Variants in VPS26C observed in about 807,000 individuals in gnomAD.
VPS26C encodes VPS26 endosomal protein sorting factor C, also known as vacuolar protein sorting-associated protein 26C.
Under a neutral mutation model 30.6 loss-of-function variants are expected in VPS26C, and 19 were observed. The ratio of observed to expected loss-of-function variants is 0.62; its 90% CI spans 0.43 to 0.91. VPS26C has a LOEUF of 0.91. Among genes scored for constraint, VPS26C ranks in the 40% least tolerant of loss-of-function variants. The pLI is 0.00. For synonymous variants in VPS26C, 132 were observed against 151.5 expected (o/e 0.87, Z 0.95); for missense variants, 318 against 385.1 (o/e 0.83, Z 1.46).
chr21:37,235,851 G>GTATATA (rs146084592), intron 3 of VPS26C, among the ~76,000 whole-genome samples: 27 of 55,094 alleles, frequency 4.9e-4, no homozygotes, highest in South Asian at 1.6e-3. Context: ...ATATGTGTGT[G>GTATATA]TATATATATA....
chr21:37,265,481 C>T (rs2086349072), intron 1 of VPS26C, among the ~76,000 whole-genome samples: 2 of 152,012 alleles, frequency 1.3e-5, no homozygotes, highest in African/African-American at 4.8e-5. Flanking sequence ...TTCTACATAA[C>T]CAAAATATAA....
At chr21:37,228,180 G>T in intron 6 of VPS26C, 43 bp downstream of exon 6, 1 of 1,595,350 alleles carries the variant, frequency 6.3e-7, no homozygotes, top group South Asian at 1.1e-5. Flanking sequence ...GGTGGCAGTC[G>T]AGGGGGACAG....
intron 5 of VPS26C, chr21:37,230,509 C>G (rs1297113557): frequency 6.6e-6 from 1 of 152,242 alleles, no homozygotes; most frequent in Non-Finnish European, 1.5e-5. Flanking sequence ...CAAAAAACCA[C>G]CAGTGGCATT....
chr21:37,233,247 G>A lies in VPS26C; in HGVS notation c.432+115C>T. 1.2e-6 allele frequency: 1 copy of A among 865,312 alleles called. No homozygotes were observed. The highest frequency in any genetic ancestry group is 2.5e-5 in the East Asian group (1 of 39,310). The allele number at this position is 865,312 out of a possible 1,614,324, so 53.6% of individuals were successfully genotyped here. A position where few individuals can be genotyped will look rare whatever the true frequency, so the allele number is the denominator to read the frequency against. ...CTGACCCAGAAGTCTTGTGTCTTCT[G>A]CCAGCACCCGTGAAACAGTAAGAGG... On this transcript the variant is annotated intron_variant, in intron 4 of 7. Transcript: ENST00000309117. This position sits in a 1 kb window ranked among gnomAD's most constrained non-coding sequence, Gnocchi z 5.2.
intron 1 of VPS26C, among the ~76,000 whole-genome samples, chr21:37,260,140 TC>T (rs1378456765): frequency 2.0e-5 from 3 of 152,184 alleles, no homozygotes; most frequent in African/African-American, 7.2e-5. Flanking sequence ...CCCTGGCATG[TC>T]CCTGAATTCT....
chr21:37,234,083 G>C (rs1412951357), intron 3 of VPS26C, among the ~76,000 whole-genome samples: 1 of 152,226 alleles, frequency 6.6e-6, no homozygotes, highest in Non-Finnish European at 1.5e-5. Context: ...GCATAGCACT[G>C]CCCTGGGCAC....
At position 37,225,636 on chromosome 21, in the gene VPS26C, G is replaced by C. The variant is rs2085891177; in HGVS notation, c.812-10C>G. The C allele has an allele frequency of 1.2e-6, 2 of 1,611,790 alleles. No homozygotes were observed. Among genetic ancestry groups the C allele is most frequent in the African/African-American group, 2.7e-5 (2 of 74,998 alleles). On this transcript the variant is annotated splice_polypyrimidine_tract_variant and intron_variant, in intron 7 of 7. Coordinates refer to ENST00000309117, the MANE Select transcript of VPS26C (RefSeq NM_006052.2). ...ATGTTAACCTCAAATTCTGAGAAGA[G>C]AAGAGAGGGTGGGTTTGTGCTCACT... is the stretch of plus-strand genomic sequence containing the variant.
chr21:37,246,285 T>C (rs2086137154), intron 1 of VPS26C, among the ~76,000 whole-genome samples: 2 of 152,046 alleles, frequency 1.3e-5, no homozygotes, highest in Admixed American at 6.6e-5. Context: ...TATTTCTCCA[T>C]AGCAAAATGG....
rs535697047 is a variant in VPS26C, at chr21:37,227,254, G to A, written c.811+400C>T. 3.3e-3 allele frequency: 542 copies of A among 165,392 alleles called. 7 individuals are homozygous for A. The highest frequency in any genetic ancestry group is 1.6e-3 in the Non-Finnish European group (122 of 76,026). The allele number at this position is 165,392 out of a possible 1,614,324, so 10.2% of individuals were successfully genotyped here. On this transcript the variant is annotated intron_variant, in intron 7 of 7. Coordinates refer to ENST00000309117, the MANE Select transcript of VPS26C (RefSeq NM_006052.2). ...GCTCGTTCACGGGAGTTTTCTTCAC[G>A]GAGCTCAGCGTCACCTGCCCATGTC...
At position 37,257,768 on chromosome 21, in the gene VPS26C, G is replaced by A. The variant is rs541437839; in HGVS notation, c.57+9470C>T. On this transcript the variant is annotated intron_variant, in intron 1 of 7. Transcript: ENST00000309117. This position sits in a 1 kb window ranked among gnomAD's most constrained non-coding sequence, Gnocchi z 4.2. ...GGTGGGGAGCGAGGGTACCAGAGGCGTGGGAGGACGGGGACAAAGGGGCAG... is the reference window on the plus strand; with the variant it reads ...GGTGGGGAGCGAGGGTACCAGAGGCATGGGAGGACGGGGACAAAGGGGCAG... 1.8e-4 allele frequency among the ~76,000 whole-genome samples: 28 copies of A among 152,304 alleles called. No homozygotes were observed. Among genetic ancestry groups the A allele is most frequent in the African/African-American group, 6.3e-4 (26 of 41,562 alleles).
At chr21:37,238,748 T>A in intron 2 of VPS26C, 139 bp from the exon 3 acceptor site, 1 of 915,680 alleles carries the variant, frequency 1.1e-6, no homozygotes, top group Non-Finnish European at 1.6e-6. Context: ...CTGCGCTGGG[T>A]CTGGAGATGA....
chr21:37,228,499 A>C, intron 5 of VPS26C, 126 bp from the exon 6 acceptor site: 3 of 1,024,304 alleles, frequency 2.9e-6, no homozygotes, highest in Non-Finnish European at 4.2e-6. Flanking sequence ...GGACCGTCTC[A>C]CAAAACGGGA....
intron 1 of VPS26C, among the ~76,000 whole-genome samples, chr21:37,259,043 G>A (rs966175935): frequency 6.6e-6 from 1 of 152,122 alleles, no homozygotes. Context: ...AAGTTTGGAT[G>A]ACTGTATTCC....
chr21:37,237,438 A>G (rs9305614), intron 3 of VPS26C: 63,842 of 152,050 alleles, frequency 0.42, 13,719 homozygotes, highest in East Asian at 0.51. Flanking sequence ...CAACCTAGAA[A>G]GCTGATCAGA....
At chr21:37,256,328 G>A (rs1241848582) in intron 1 of VPS26C, among the ~76,000 whole-genome samples, 1 of 152,238 alleles carries the variant, frequency 6.6e-6, no homozygotes, top group Non-Finnish European at 1.5e-5. Context: ...TTTGGGATGT[G>A]AGGAAGAGTC....
intron 1 of VPS26C, among the ~76,000 whole-genome samples, chr21:37,245,032 T>A (rs2148296210): frequency 6.6e-6 from 1 of 152,270 alleles, no homozygotes; most frequent in Non-Finnish European, 1.5e-5. Flanking sequence ...TGAAAGAAAC[T>A]CTCACGTAAA....
intron 1 of VPS26C, among the ~76,000 whole-genome samples, chr21:37,264,863 C>T (rs750014491): frequency 9.2e-5 from 14 of 152,174 alleles, no homozygotes; most frequent in African/African-American, 2.9e-4. Context: ...TTATTAATAG[C>T]GAAAAGGTAG....
At chr21:37,244,953 C>CA (rs1393925713) in intron 1 of VPS26C, among the ~76,000 whole-genome samples, 2 of 152,190 alleles carry the variant, frequency 1.3e-5, no homozygotes, top group East Asian at 3.9e-4. Context: ...GTGGTGGAGA[C>CA]AATGAGCCCC....
In VPS26C at chr21:37,227,284, C is replaced by A. The variant is rs569023745; in HGVS notation, c.811+370G>T. On this transcript the variant is annotated intron_variant, in intron 7 of 7. Coordinates refer to ENST00000309117, the MANE Select transcript of VPS26C (RefSeq NM_006052.2). The stretch of plus-strand genomic sequence containing the variant: ...TCAGCGTCACCTGCCCATGTCTACA[C>A]AGAGCTCAGCGTCACCTGCCCATGT... 1.5e-5 allele frequency: 3 copies of A among 198,388 alleles called. No individual in the cohort carries two copies. In the Admixed American group the frequency reaches 1.7e-4, roughly 11 times the overall value. The allele number at this position is 198,388 out of a possible 1,614,324, so 12.3% of individuals were successfully genotyped here. A position where few individuals can be genotyped will look rare whatever the true frequency, so the allele number is the denominator to read the frequency against.
Sources: gnomAD v4.1 joint callset for allele counts (sites outside exome capture counted in the v4.1 genomes callset) on GRCh38, gnomAD v4.1.1 for gene constraint, Gnocchi (gnomAD v3.1) non-coding constraint, MANE v1.5 for transcripts, NCBI Gene and HGNC (gene_info 2026-07-23, HGNC 2026-07-21) for gene names.